Variants in ZNF366 observed in about 807,000 individuals in gnomAD.
ZNF366 encodes the protein zinc finger protein 366.
In ZNF366, 20 loss-of-function variants were observed where a neutral mutation model predicts 47.2. The ratio of observed to expected loss-of-function variants is 0.42; its 90% confidence interval spans 0.30 to 0.62. The LOEUF (loss-of-function observed/expected upper bound fraction) is 0.62, where lower values mean the gene tolerates loss of function less well. ZNF366 is among the 20% of genes least tolerant of loss of function. The probability of loss-of-function intolerance (pLI) is 0.16; values close to 1 mark genes in which losing one functional copy is unlikely to be tolerated. For synonymous variants in ZNF366, 421 were observed against 395.1 expected, an observed-to-expected ratio of 1.07 and a Z score of -0.78; for missense variants, 987 against 976.3, an observed-to-expected ratio of 1.01 and a Z score of -0.15.
intron 1 of ZNF366, among the ~76,000 whole-genome samples, chr5:72,474,652 GCACACA>G (rs60932161): frequency 3.4e-5 from 5 of 147,068 alleles, no homozygotes; most frequent in East Asian, 2.0e-4. Context: ...GTACACCCAT[GCACACA>G]CACACACACA....
In ZNF366 at chr5:72,461,158, A is replaced by C. The variant is rs1337533726; in HGVS notation, c.339T>G (p.Pro113=). ...ENKNHGLPNL[P]LLFPQPPRPK... ...GGCGCGGGGGCTGCGGGAACAGCAA[A>C]GGGAGGTTGGGAAGGCCGTGGTTTT... The change falls in exon 2 of 5, where the codon CCT becomes CCG. Residue 113 remains proline, a synonymous_variant. Coordinates refer to ENST00000318442, the MANE Select transcript of ZNF366 (RefSeq NM_152625.3). 1 of 1,614,114 alleles carries C rather than the reference A, an allele frequency of 6.2e-7. No homozygotes were observed. The highest frequency in any genetic ancestry group is 8.5e-7 in the Non-Finnish European group (1 of 1,180,008).
intron 1 of ZNF366, among the ~76,000 whole-genome samples, chr5:72,463,662 C>T (rs941724191): frequency 6.6e-6 from 1 of 152,156 alleles, no homozygotes; most frequent in African/African-American, 2.4e-5. Context: ...TTATGAGACC[C>T]GGAGGGGTGT....
rs1233823864 is a variant in ZNF366, at chr5:72,443,910, G to C, written c.2081C>G (p.Ala694Gly). The C allele has an allele frequency of 6.2e-7, 1 of 1,614,174 alleles. No homozygotes were observed. Among genetic ancestry groups the C allele is most frequent in the Admixed American group, 1.7e-5 (1 of 60,010 alleles). The change falls in exon 5 of 5, where the codon GCC becomes GGC. Residue 694 changes from alanine to glycine, a missense_variant. Coordinates refer to ENST00000318442, the MANE Select transcript of ZNF366 (RefSeq NM_152625.3). The stretch of plus-strand genomic sequence containing the variant: ...GAGACTGAGACACTCATCTCTGCCG[G>C]CACAGTCTCTCTCCTGGCCGCCCTC... ...GAEGGQERDC[A>G]GRDECLSLRA...
In ZNF366 at chr5:72,461,216, TC is replaced by T; in HGVS notation, c.280del (p.Glu94LysfsTer35). The T allele has an allele frequency of 6.2e-7, 1 of 1,614,134 alleles. No homozygotes were observed. ...TKMPYNHPAE[E>X]VTLALHSEEN... is the part of the protein sequence containing the mutation. Reference sequence around the variant, plus strand: ...CTCTGAGTGGAGGGCGAGGGTGACTTCTTCTGCAGGGTGGTTATAGGGCATC... The same window carrying T: ...CTCTGAGTGGAGGGCGAGGGTGACTTTTCTGCAGGGTGGTTATAGGGCATC... On this transcript the variant is annotated frameshift_variant, in exon 2 of 5. Coordinates refer to ENST00000318442, the MANE Select transcript of ZNF366 (RefSeq NM_152625.3). LOFTEE classifies it high-confidence loss of function.
intron 1 of ZNF366, among the ~76,000 whole-genome samples, chr5:72,472,139 G>A (rs187506048): frequency 6.6e-6 from 1 of 152,128 alleles, no homozygotes; most frequent in African/African-American, 2.4e-5. Flanking sequence ...CACTATGCTG[G>A]GTGCCAGGAG....
rs757646951 is a variant in ZNF366 at position 72,461,055 on chromosome 5, TG to T, written c.441del (p.Lys148SerfsTer87). 1.2e-6 allele frequency: 2 copies of T among 1,614,100 alleles called. No homozygotes were observed. Among genetic ancestry groups the T allele is most frequent in the Admixed American group, 1.7e-5 (1 of 60,022 alleles). ...TTAATGGGTTCCTGCTTGACGGGCT[TG>T]CCCCCAAAGTGTTCCAGGCTGCGGT... ...QFYRSLEHFG[G>X]KPVKQEPIKP... On this transcript the variant is annotated frameshift_variant, in exon 2 of 5. Coordinates refer to ENST00000318442, the MANE Select transcript of ZNF366 (RefSeq NM_152625.3). LOFTEE classifies it high-confidence loss of function.
chr5:72,461,276 G>T lies in ZNF366; in HGVS notation c.221C>A (p.Ala74Glu). ...CATGCTCTTCCGTTTCCTAGACCCT[G>T]CTCCTTCGAAGACCCCGGGGAACCC... ...LDGFPGVFEG[A>E]GSRKRKSMPT... Residue 74 changes from alanine to glutamate, a missense_variant, in exon 2 of 5, where the codon GCA (alanine) becomes GAA (glutamate). Ala to Glu is a moderately radical substitution (Grantham distance 107, BLOSUM62 -1). Transcript: ENST00000318442. 6.2e-7 allele frequency: 1 copy of T among 1,614,110 alleles called. No homozygotes were observed. The highest frequency in any genetic ancestry group is 8.5e-7 in the Non-Finnish European group (1 of 1,180,032).
intron 1 of ZNF366, among the ~76,000 whole-genome samples, chr5:72,485,352 G>T (rs1743871824): frequency 6.6e-6 from 1 of 152,158 alleles, no homozygotes; most frequent in African/African-American, 2.4e-5. Flanking sequence ...AAGGAACAAA[G>T]GAAGAACAAC....
intron 4 of ZNF366, among the ~76,000 whole-genome samples, chr5:72,446,811 ATAAAGG>A (rs1742970573): frequency 6.6e-6 from 1 of 152,228 alleles, no homozygotes; most frequent in African/African-American, 2.4e-5. Context: ...AGAGGATACA[ATAAAGG>A]CTGCACAGTC....
chr5:72,460,645 C>G lies in ZNF366; in HGVS notation c.852G>C (p.Thr284=). 6.2e-7 allele frequency: 1 copy of G among 1,614,216 alleles called. No individual in the cohort carries two copies. The highest frequency in any genetic ancestry group is 8.5e-7 in the Non-Finnish European group (1 of 1,180,044). ...GHSGIKPHAC[T]HCGKLFKQLS... is the part of the protein sequence containing the mutation. ...GCTGCTTGAAGAGCTTCCCGCAGTGCGTGCACGCGTGCGGCTTGATCCCAC... is the reference window on the plus strand; with the variant it reads ...GCTGCTTGAAGAGCTTCCCGCAGTGGGTGCACGCGTGCGGCTTGATCCCAC... Residue 284 remains threonine, a synonymous_variant, in exon 2 of 5, where the codon ACG becomes ACC. Transcript: ENST00000318442.
chr5:72,451,755 G>A (rs961880569), intron 3 of ZNF366, among the ~76,000 whole-genome samples: 2 of 152,202 alleles, frequency 1.3e-5, no homozygotes, highest in African/African-American at 4.8e-5. Flanking sequence ...GCCTGCCCCA[G>A]GTCTAGGAAA....
intron 1 of ZNF366, among the ~76,000 whole-genome samples, chr5:72,479,130 T>C (rs897246970): frequency 6.6e-6 from 1 of 152,220 alleles, no homozygotes; most frequent in Admixed American, 6.5e-5. Flanking sequence ...CAGGAAACAT[T>C]GTACCAGGTT....
chr5:72,461,236 G>A lies in ZNF366; in HGVS notation c.261C>T (p.Pro87=). The A allele has an allele frequency of 1.9e-6, 3 of 1,614,096 alleles. No homozygotes were observed. In the South Asian group the frequency reaches 3.3e-5, roughly 18 times the overall value. ...RKRKSMPTKM[P]YNHPAEEVTL... is the part of the protein sequence containing the mutation. ...TGACTTCTTCTGCAGGGTGGTTATA[G>A]GGCATCTTTGTGGGCATGCTCTTCC... Residue 87 remains proline, a synonymous_variant, in exon 2 of 5, where the codon CCC becomes CCT. Coordinates refer to ENST00000318442, the MANE Select transcript of ZNF366 (RefSeq NM_152625.3).
chr5:72,494,536 T>C (rs1279524919), intron 1 of ZNF366, among the ~76,000 whole-genome samples: 9 of 151,878 alleles, frequency 5.9e-5, no homozygotes, highest in African/African-American at 2.2e-4. Flanking sequence ...TGTGATCTGA[T>C]CATGAAAAGG....
At chr5:72,456,630 G>T (rs745367334) in intron 2 of ZNF366, 35 bp from the exon 3 acceptor site, 23 of 1,545,116 alleles carry the variant, frequency 1.5e-5, no homozygotes, top group Non-Finnish European at 1.8e-5. Flanking sequence ...AGTGGTGATT[G>T]ACAGGTAACA....
chr5:72,497,127 G>T (rs925984136), intron 1 of ZNF366, among the ~76,000 whole-genome samples: 9 of 152,050 alleles, frequency 5.9e-5, no homozygotes, highest in Non-Finnish European at 1.2e-4. Context: ...TTCTTGAAGA[G>T]CAAAAGTCTT....
intron 1 of ZNF366, among the ~76,000 whole-genome samples, chr5:72,476,258 A>C (rs971681110): frequency 3.3e-5 from 5 of 152,108 alleles, no homozygotes; most frequent in Non-Finnish European, 7.4e-5. Flanking sequence ...CCCCTCCCTT[A>C]AAAAATGCAA....
chr5:72,454,369 T>A (rs1743138427), intron 3 of ZNF366, among the ~76,000 whole-genome samples: 1 of 152,200 alleles, frequency 6.6e-6, no homozygotes, highest in South Asian at 2.1e-4. Context: ...ACCCTCTAGA[T>A]CCTCAGATAC....
chr5:72,459,403 G>C (rs1211022989), intron 2 of ZNF366, among the ~76,000 whole-genome samples: 3 of 152,140 alleles, frequency 2.0e-5, no homozygotes, highest in African/African-American at 7.2e-5. Context: ...AAGATTTCAG[G>C]AACACCACTA....
Sources: gnomAD v4.1 joint callset for allele counts (sites outside exome capture counted in the v4.1 genomes callset) on GRCh38, gnomAD v4.1.1 for gene constraint, MANE v1.5 for transcripts, NCBI Gene and HGNC (gene_info 2026-07-23, HGNC 2026-07-21) for gene names.